ABRAXAS1: variants seen among roughly 807,000 people sequenced by gnomAD.
ABRAXAS1 encodes abraxas 1, BRCA1 A complex subunit, also known as BRCA1-A complex subunit Abraxas 1.
A neutral mutation model predicts 38.4 loss-of-function variants in ABRAXAS1; 26 were observed. That is an observed-to-expected ratio of 0.68 (90% CI 0.50 to 0.94). The LOEUF is 0.94. Ranked by LOEUF, ABRAXAS1 falls within the 40% of genes least tolerant of loss-of-function variation. ABRAXAS1 has a pLI of 0.00. For synonymous variants in ABRAXAS1, 144 were observed against 165.5 expected, an observed-to-expected ratio of 0.87 and a Z score of 1.00; for missense variants, 438 against 481.9, an observed-to-expected ratio of 0.91 and a Z score of 0.85.
At chr4:83,468,109 C>T (rs1722439376) in intron 6 of ABRAXAS1, among the ~76,000 whole-genome samples, 1 of 151,918 alleles carries the variant, frequency 6.6e-6, no homozygotes, top group Non-Finnish European at 1.5e-5. Context: ...TTGAGACCAG[C>T]CTGACCAACA....
rs1264866441 is a variant in ABRAXAS1 at position 83,459,952 on chromosome 4, C to G, written c.*2517G>C. On this transcript the variant is annotated 3_prime_UTR_variant, in exon 9 of 9. Transcript: ENST00000321945. ...AGAGCTAGTTACTATGAAAAAGTCT[C>G]TTAGGCCAAGAGGATTATTATTTTG... The G allele has an allele frequency of 3.5e-6, 2 of 574,844 alleles. No homozygotes were observed. The highest frequency in any genetic ancestry group is 1.9e-5 in the African/African-American group (1 of 52,202). 35.6% of individuals were successfully genotyped at this position (574,844 alleles called of 1,614,324 possible).
intron 8 of ABRAXAS1, among the ~76,000 whole-genome samples, 172 bp from the exon 9 acceptor site, chr4:83,463,074 CAAA>C (rs1448357582): frequency 6.6e-6 from 1 of 152,126 alleles, no homozygotes; most frequent in Non-Finnish European, 1.5e-5. Flanking sequence ...TATTCTAAGA[CAAA>C]ATTAAAGTTG....
chr4:83,480,639 C>A (rs948716330), intron 2 of ABRAXAS1, among the ~76,000 whole-genome samples: 1 of 152,112 alleles, frequency 6.6e-6, no homozygotes, highest in Non-Finnish European at 1.5e-5. Flanking sequence ...AAAAACCTTA[C>A]AAGTGTTCAT....
rs770145230 is a variant in ABRAXAS1, at chr4:83,461,083, A to G, written c.*1386T>C. 1 of 1,613,052 alleles carries G rather than the reference A, an allele frequency of 6.2e-7. No homozygotes were observed. Among genetic ancestry groups the G allele is most frequent in the South Asian group, 1.1e-5 (1 of 91,030 alleles). On this transcript the variant is annotated 3_prime_UTR_variant, in exon 9 of 9. Transcript: ENST00000321945. The stretch of plus-strand genomic sequence containing the variant: ...AATTGAGCTAGCTGAAATTTTGCTC[A>G]TTATGTTTTGTCAAGAACTTTAATT...
chr4:83,482,580 C>T (rs1486057411), intron 1 of ABRAXAS1, among the ~76,000 whole-genome samples: 1 of 152,172 alleles, frequency 6.6e-6, no homozygotes, highest in African/African-American at 2.4e-5. Flanking sequence ...GGCATGGTGG[C>T]ACATGCCTGT....
In ABRAXAS1 at chr4:83,476,616, C is replaced by A. The variant is rs1722780204; in HGVS notation, c.215+27G>T. ...GCAGAGAGTAATTTTCACAATGGAT[C>A]ATTTACTTACTAGCACTACTACTTA... On this transcript the variant is annotated intron_variant, in intron 3 of 8. Transcript: ENST00000321945. 2.0e-6 allele frequency: 3 copies of A among 1,468,592 alleles called. No homozygotes were observed. In the Admixed American group the frequency reaches 5.1e-5, roughly 25 times the overall value. The allele number at this position is 1,468,592 out of a possible 1,614,324, so 91.0% of individuals were successfully genotyped here. A position where few individuals can be genotyped will look rare whatever the true frequency, so the allele number is the denominator to read the frequency against.
At chr4:83,482,044 C>A in intron 2 of ABRAXAS1, 110 bp downstream of exon 2, 1 of 690,646 alleles carries the variant, frequency 1.4e-6, no homozygotes, top group East Asian at 3.0e-5. Flanking sequence ...CTTGCCCAGC[C>A]TCTGTATTTC....
rs1722399731 is a variant in ABRAXAS1, at chr4:83,467,274, T to C, written c.681+180A>G. 7 of 506,242 alleles carry C rather than the reference T, an allele frequency of 1.4e-5. No homozygotes were observed. The South Asian group carries it at 1.8e-4, about 13-fold the overall frequency. 31.4% of individuals were successfully genotyped at this position (506,242 alleles called of 1,614,324 possible). On this transcript the variant is annotated intron_variant, in intron 7 of 8. Transcript: ENST00000321945. ...ATACATATAGGTTTGTGTAAGTATA[T>C]GTTTGCACAATGATAAAACTGCCTA...
chr4:83,477,588 C>A (rs1312893216), intron 2 of ABRAXAS1: 3 of 492,138 alleles, frequency 6.1e-6, no homozygotes, highest in South Asian at 4.9e-5. Flanking sequence ...GTATATGACG[C>A]CTTGCCTCTA....
At chr4:83,465,299 C>CAAAAAA (rs35072866) in intron 7 of ABRAXAS1, among the ~76,000 whole-genome samples, 5 of 88,182 alleles carry the variant, frequency 5.7e-5, no homozygotes, top group African/African-American at 8.0e-5. Flanking sequence ...GACTCTGTCT[C>CAAAAAA]AAAAAAAAAA....
chr4:83,464,010 A>ACCCTGTCT (rs1722251922), intron 7 of ABRAXAS1: 1 of 152,594 alleles, frequency 6.6e-6, no homozygotes, highest in Non-Finnish European at 1.5e-5. Context: ...ACATGGTGAA[A>ACCCTGTCT]CCCTGTCTCT....
At chr4:83,470,617 A>G (rs544130487) in intron 4 of ABRAXAS1, among the ~76,000 whole-genome samples, 29 of 152,298 alleles carry the variant, frequency 1.9e-4, no homozygotes, top group African/African-American at 6.7e-4. Context: ...GTTTTCATCA[A>G]TATAGATTAA....
At chr4:83,478,325 T>A (rs1374857695) in intron 2 of ABRAXAS1, 2 of 617,634 alleles carry the variant, frequency 3.2e-6, no homozygotes, top group African/African-American at 3.7e-5. Flanking sequence ...TGAGGGCTTT[T>A]TTGTATTCTA....
Position 83,462,475 on chromosome 4 carries a change from T to C in ABRAXAS1, c.1224A>G (p.Thr408=). 6.2e-7 allele frequency: 1 copy of C among 1,609,410 alleles called. No individual in the cohort carries two copies. Residue 408 remains threonine (T), a synonymous_variant, in exon 9 of 9, where the codon ACA becomes ACG. Coordinates refer to ENST00000321945, the MANE Select transcript of ABRAXAS1 (RefSeq NM_139076.3). ...CCTTGTAAGGTTAAAAGGATCAAAATGTAGGAGACCGTGAATATTCACCAA... is the reference window on the plus strand; with the variant it reads ...CCTTGTAAGGTTAAAAGGATCAAAACGTAGGAGACCGTGAATATTCACCAA... ...KGFGEYSRSP[T]F
At chr4:83,476,800 T>C (rs551677396) in intron 2 of ABRAXAS1, 121 bp from the exon 3 acceptor site, 59 of 626,216 alleles carry the variant, frequency 9.4e-5, no homozygotes, top group Middle Eastern at 3.3e-4. Context: ...CTGATTTTTA[T>C]CCTCACAACA....
chr4:83,470,767 T>G (rs1654166517), intron 4 of ABRAXAS1, among the ~76,000 whole-genome samples: 1 of 152,110 alleles, frequency 6.6e-6, no homozygotes, highest in Admixed American at 6.6e-5. Context: ...TCCCTGAAAA[T>G]AAATTAATCG....
intron 2 of ABRAXAS1, chr4:83,477,818 AT>A: frequency 1.2e-6 from 1 of 805,152 alleles, no homozygotes; most frequent in Non-Finnish European, 2.2e-6. Context: ...TAAAATTGGG[AT>A]TTACCAAAGC....
Position 83,462,332 on chromosome 4 carries a change from T to G in ABRAXAS1, c.*137A>C. 4.2e-6 allele frequency: 3 copies of G among 710,326 alleles called. No homozygotes were observed. The highest frequency in any genetic ancestry group is 2.8e-5 in the Admixed American group (1 of 35,716). 44.0% of individuals were successfully genotyped at this position (710,326 alleles called of 1,614,324 possible). A position where few individuals can be genotyped will look rare whatever the true frequency, so the allele number is the denominator to read the frequency against. On this transcript the variant is annotated 3_prime_UTR_variant, in exon 9 of 9. Transcript: ENST00000321945. ...TGAAGTAAATGCACTAAGAGTTATC[T>G]GTGTATTACTGCAAACAGGTGAACA...
At chr4:83,467,406 T>C in intron 7 of ABRAXAS1, 48 bp downstream of exon 7, 1 of 1,028,442 alleles carries the variant, frequency 9.7e-7, no homozygotes, top group Non-Finnish European at 1.5e-6. Flanking sequence ...ATTAACTTGA[T>C]ATGAACTCTA....
Sources: allele counts gnomAD v4.1 joint callset (sites outside exome capture counted in the v4.1 genomes callset), GRCh38; gene constraint gnomAD v4.1.1; transcripts MANE v1.5; gene names NCBI Gene and HGNC (gene_info 2026-07-23, HGNC 2026-07-21).